GRID2: variants seen among roughly 807,000 people sequenced by gnomAD.
The protein encoded by GRID2 is glutamate ionotropic receptor delta type subunit 2.
GRID2 carries 33 observed loss-of-function variants against 114.8 expected under a neutral mutation model. The ratio of observed to expected loss-of-function variants is 0.29; its 90% CI spans 0.22 to 0.38. The LOEUF (loss-of-function observed/expected upper bound fraction) is 0.38. GRID2 is among the 10% of genes least tolerant of loss of function. GRID2 has a pLI of 1.00. For missense variants in GRID2, 1,184 were observed against 1,257.7 expected, an observed-to-expected ratio of 0.94 and a Z score of 0.89; for synonymous variants, 505 against 449.9, an observed-to-expected ratio of 1.12 and a Z score of -1.55.
At position 92,428,217 on chromosome 4, in the gene GRID2, A is replaced by G. The variant is rs189857072; in HGVS notation, c.88+123473A>G. On this transcript the variant is annotated intron_variant, in intron 1 of 15. Coordinates refer to ENST00000282020, the MANE Select transcript of GRID2 (RefSeq NM_001510.4). ...GCGGAGCTTGCAGTGAGCTGAGATC[A>G]CGCCACTGCACTCCAGCCTGGGCAA... 2.7e-3 allele frequency among the ~76,000 whole-genome samples: 414 copies of G among 152,146 alleles called. 1 individual carries two copies. Among genetic ancestry groups the G allele is most frequent in the Non-Finnish European group, 4.1e-3 (277 of 67,978 alleles).
intron 2 of GRID2, among the ~76,000 whole-genome samples, chr4:92,652,234 C>T (rs1374736823): frequency 6.6e-6 from 1 of 151,996 alleles, no homozygotes; most frequent in Non-Finnish European, 1.5e-5. Flanking sequence ...GAGGGCAGAT[C>T]TTCTTTACTC....
At chr4:92,928,985 A>G (rs1051259971) in intron 2 of GRID2, among the ~76,000 whole-genome samples, 2 of 151,446 alleles carry the variant, frequency 1.3e-5, no homozygotes, top group Non-Finnish European at 3.0e-5. Flanking sequence ...CCCAAATTAA[A>G]CTGTTCTAAG....
intron 2 of GRID2, among the ~76,000 whole-genome samples, chr4:92,991,023 A>C (rs918560114): frequency 6.6e-6 from 1 of 152,186 alleles, no homozygotes; most frequent in Non-Finnish European, 1.5e-5. Context: ...TCAATATGCC[A>C]AGAATTACAC....
In GRID2 at chr4:92,867,726, G is replaced by C. The variant is rs137870416; in HGVS notation, c.245-217269G>C. Among the ~76,000 whole-genome samples, 373 of 151,994 alleles carry C rather than the reference G, an allele frequency of 2.5e-3. 2 individuals are homozygous for C. The highest frequency in any genetic ancestry group is 8.5e-3 in the African/African-American group (354 of 41,454). On this transcript the variant is annotated intron_variant, in intron 2 of 15. Transcript: ENST00000282020. The stretch of plus-strand genomic sequence containing the variant: ...TGATCTGCATTCCAGGGTATCTGTC[G>C]TACTAGATTTGCTATTGTCCTGTTT...
At chr4:92,536,990 C>T (rs1725669875) in intron 1 of GRID2, among the ~76,000 whole-genome samples, 1 of 152,144 alleles carries the variant, frequency 6.6e-6, no homozygotes, top group Non-Finnish European at 1.5e-5. Flanking sequence ...TGTAAATACT[C>T]AGAGAAAAGG....
chr4:92,997,973 G>A (rs1325626818), intron 2 of GRID2, among the ~76,000 whole-genome samples: 1 of 151,900 alleles, frequency 6.6e-6, no homozygotes, highest in African/African-American at 2.4e-5. Context: ...CATATCTTAT[G>A]GAGTCCTTCT....
chr4:92,538,327 A>G (rs534974790), intron 1 of GRID2, among the ~76,000 whole-genome samples: 3 of 152,184 alleles, frequency 2.0e-5, no homozygotes, highest in South Asian at 4.1e-4. Context: ...CTCAAATTTC[A>G]TCATTGCCTG....
intron 1 of GRID2, among the ~76,000 whole-genome samples, chr4:92,519,624 T>C (rs1044759415): frequency 1.3e-5 from 2 of 150,878 alleles, no homozygotes; most frequent in Non-Finnish European, 3.0e-5. Flanking sequence ...TGTATGTATA[T>C]ATAAGAGCGA....
intron 2 of GRID2, among the ~76,000 whole-genome samples, chr4:92,739,819 G>C (rs1579947359): frequency 1.3e-5 from 2 of 152,144 alleles, no homozygotes; most frequent in Admixed American, 1.3e-4. Flanking sequence ...ACATAATTAA[G>C]TCTTATTCAT....
intron 1 of GRID2, among the ~76,000 whole-genome samples, chr4:92,439,528 C>T (rs10199903): frequency 5.3e-5 from 8 of 151,536 alleles, no homozygotes; most frequent in East Asian, 1.9e-4. Flanking sequence ...CTGCTTCAAG[C>T]GGGATTAGGG....
intron 13 of GRID2, among the ~76,000 whole-genome samples, chr4:93,578,587 A>ATT (rs59397408): frequency 0.048 from 3,984 of 83,742 alleles, 272 homozygotes; most frequent in African/African-American, 0.13. Context: ...TGTTTTTTGT[A>ATT]TTTTTTTTTT....
At chr4:92,710,605 T>C (rs1270210823) in intron 2 of GRID2, among the ~76,000 whole-genome samples, 1 of 152,216 alleles carries the variant, frequency 6.6e-6, no homozygotes, top group East Asian at 1.9e-4. Flanking sequence ...TGTGCTATCC[T>C]TATTGAGAGA....
Position 93,515,747 on chromosome 4 carries a change from G to A in GRID2, c.2193+336G>A, listed in dbSNP as rs116637731. 3.5e-3 allele frequency among the ~76,000 whole-genome samples: 525 copies of A among 152,090 alleles called. 7 individuals are homozygous for A. Among genetic ancestry groups the A allele is most frequent in the African/African-American group, 0.012 (497 of 41,530 alleles). ...ATTCCAAATATCATTCAAGTTATCT[G>A]ATTCTTTTAAATGACTCAGGGTATT... On this transcript the variant is annotated intron_variant, in intron 13 of 15. Coordinates refer to ENST00000282020, the MANE Select transcript of GRID2 (RefSeq NM_001510.4).
At chr4:92,941,299 G>A (rs2149535960) in intron 2 of GRID2, among the ~76,000 whole-genome samples, 1 of 152,258 alleles carries the variant, frequency 6.6e-6, no homozygotes, top group South Asian at 2.1e-4. Flanking sequence ...AGTCTTGGGA[G>A]GGTGTATGTG....
intron 13 of GRID2, among the ~76,000 whole-genome samples, chr4:93,534,326 T>C (rs1465239117): frequency 6.6e-6 from 1 of 152,164 alleles, no homozygotes; most frequent in African/African-American, 2.4e-5. Context: ...GTTTACAACA[T>C]GGTGTTTTGA....
At chr4:93,083,447 C>G (rs1730053526) in intron 2 of GRID2, among the ~76,000 whole-genome samples, 1 of 151,976 alleles carries the variant, frequency 6.6e-6, no homozygotes, top group African/African-American at 2.4e-5. Context: ...GTAATCTCAT[C>G]ACTTTGGAGG....
At chr4:92,617,039 T>G (rs187080194) in intron 2 of GRID2, among the ~76,000 whole-genome samples, 2 of 151,574 alleles carry the variant, frequency 1.3e-5, no homozygotes, top group East Asian at 3.9e-4. Context: ...TTTCAAAACT[T>G]TATTATTTGT....
At chr4:92,680,668 C>T (rs1579829723) in intron 2 of GRID2, among the ~76,000 whole-genome samples, 1 of 152,214 alleles carries the variant, frequency 6.6e-6, no homozygotes, top group South Asian at 2.1e-4. Flanking sequence ...ACAATAATCA[C>T]AGGGTCAGAG....
At chr4:92,675,467 G>A (rs1175433242) in intron 2 of GRID2, among the ~76,000 whole-genome samples, 1 of 151,686 alleles carries the variant, frequency 6.6e-6, no homozygotes, top group Non-Finnish European at 1.5e-5. Context: ...AGCTGCCACA[G>A]GCCACAGGGA....
Sources: gnomAD v4.1 joint callset for allele counts (sites outside exome capture counted in the v4.1 genomes callset) on GRCh38, gnomAD v4.1.1 for gene constraint, MANE v1.5 for transcripts, NCBI Gene and HGNC (gene_info 2026-07-23, HGNC 2026-07-21) for gene names.